Variants in LRRFIP1 observed in about 807,000 individuals in gnomAD.
LRRFIP1 encodes LRR binding FLII interacting protein 1.
A neutral mutation model predicts 104.4 loss-of-function variants in LRRFIP1; 62 were observed. That is an observed-to-expected ratio of 0.59 (90% CI 0.48 to 0.73). LRRFIP1 has a LOEUF of 0.73. LRRFIP1 is among the 30% of genes least tolerant of loss of function. LRRFIP1 has a pLI of 0.00. For missense variants in LRRFIP1, 796 were observed against 824.5 expected, an observed-to-expected ratio of 0.97 and a Z score of 0.42; for synonymous variants, 300 against 299.0, an observed-to-expected ratio of 1.00 and a Z score of -0.03.
chr2:237,653,241 TA>T (rs1408313576), intron 1 of LRRFIP1, among the ~76,000 whole-genome samples: 1 of 151,628 alleles, frequency 6.6e-6, no homozygotes, highest in Non-Finnish European at 1.5e-5. Context: ...AAAAGAAAAA[TA>T]AAGAAAAGAA....
At chr2:237,646,356 T>A (rs7595625) in intron 1 of LRRFIP1, among the ~76,000 whole-genome samples, 92,965 of 151,608 alleles carry the variant, frequency 0.61, 29,793 homozygotes, top group African/African-American at 0.77. Context: ...TCATCCTATC[T>A]TCCAGGTATT....
intron 1 of LRRFIP1, among the ~76,000 whole-genome samples, chr2:237,668,159 C>G (rs554167366): frequency 6.6e-6 from 1 of 152,268 alleles, no homozygotes; most frequent in Admixed American, 6.5e-5. Context: ...CCCTCCCCTC[C>G]TCGGTGAAAT....
At chr2:237,683,493 A>G (rs756064567) in intron 1 of LRRFIP1, 3 of 152,214 alleles carry the variant, frequency 2.0e-5, no homozygotes, top group Non-Finnish European at 2.9e-5. Context: ...TCATTCTTCA[A>G]AGGTGAGGCT....
At chr2:237,715,402 C>T (rs564382240) in intron 3 of LRRFIP1, among the ~76,000 whole-genome samples, 106 of 152,316 alleles carry the variant, frequency 7.0e-4, no homozygotes, top group South Asian at 3.1e-3. Context: ...CAGCAGGACG[C>T]TCTCATCCAA....
chr2:237,705,049 G>A (rs2093735917), intron 1 of LRRFIP1, among the ~76,000 whole-genome samples: 1 of 152,284 alleles, frequency 6.6e-6, no homozygotes, highest in East Asian at 1.9e-4. Context: ...GTCTGACAGG[G>A]CATTGTTTTG....
At chr2:237,658,532 G>A (rs528330522) in intron 1 of LRRFIP1, among the ~76,000 whole-genome samples, 1 of 152,282 alleles carries the variant, frequency 6.6e-6, no homozygotes, top group African/African-American at 2.4e-5. Flanking sequence ...TCATACTACT[G>A]TAAAGAACTG....
intron 1 of LRRFIP1, among the ~76,000 whole-genome samples, chr2:237,672,916 C>T (rs1174372639): frequency 1.3e-5 from 2 of 152,168 alleles, no homozygotes; most frequent in Non-Finnish European, 2.9e-5. Context: ...TGAATTTTGG[C>T]GTCTTATATA....
At chr2:237,769,361 A>G (rs75319932) in intron 19 of LRRFIP1, 43,570 of 152,252 alleles carry the variant, frequency 0.29, 6,504 homozygotes, top group East Asian at 0.45. Context: ...TATCGGGTCC[A>G]GGAGGAATTA....
rs554350823 is a variant in LRRFIP1 at position 237,758,532 on chromosome 2, A to C, written c.1225-197A>C. On this transcript the variant is annotated intron_variant, in intron 17 of 23. Coordinates refer to ENST00000308482, the MANE Select transcript of LRRFIP1 (RefSeq NM_001137550.2). ...ATGTCTTTCATGGAGTATGAACAGT[A>C]ACATTTCTTGGATTATATATACTAA... Among the ~76,000 whole-genome samples, 129 of 152,334 alleles carry C rather than the reference A, an allele frequency of 8.5e-4. 1 individual carries two copies. Among genetic ancestry groups the C allele is most frequent in the Non-Finnish European group, 1.6e-3 (106 of 68,030 alleles).
intron 1 of LRRFIP1, among the ~76,000 whole-genome samples, chr2:237,668,989 G>A (rs992772400): frequency 5.9e-5 from 9 of 151,844 alleles, no homozygotes; most frequent in South Asian, 2.1e-4. Flanking sequence ...TCTAAATAGC[G>A]CATTTTTAAA....
At chr2:237,746,248 A>G (rs2057837702) in intron 11 of LRRFIP1, among the ~76,000 whole-genome samples, 3 of 152,034 alleles carry the variant, frequency 2.0e-5, no homozygotes, top group African/African-American at 7.2e-5. Context: ...TAATAGAGAC[A>G]GGGTTTCGCC....
chr2:237,729,930 T>C (rs2094927014), intron 8 of LRRFIP1: 1 of 616,512 alleles, frequency 1.6e-6, no homozygotes, highest in Non-Finnish European at 2.0e-6. Context: ...TCAGCTCTAC[T>C]TTTCTCTTTC....
At chr2:237,764,511 A>G (rs1163861108) in intron 19 of LRRFIP1, 8 of 1,097,804 alleles carry the variant, frequency 7.3e-6, no homozygotes, top group Non-Finnish European at 7.8e-6. Flanking sequence ...AATTGAAATG[A>G]CCAAATAGCA....
At chr2:237,765,292 C>T (rs1348442471) in intron 19 of LRRFIP1, 1 of 172,076 alleles carries the variant, frequency 5.8e-6, no homozygotes, top group Non-Finnish European at 1.1e-5. Context: ...CACACACACA[C>T]AACACAATGT....
Position 237,737,735 on chromosome 2 carries a change from G to A in LRRFIP1, c.556-1497G>A, listed in dbSNP as rs191689916. Among the ~76,000 whole-genome samples, 76 of 152,276 alleles carry A rather than the reference G, an allele frequency of 5.0e-4. 1 individual carries two copies. The highest frequency in any genetic ancestry group is 1.2e-3 in the Admixed American group (18 of 15,292). ...TGTTTTCCTTATTTTCAACAAGAAT[G>A]CCAAAAAGTGAGGCTAGTAATACTG... On this transcript the variant is annotated intron_variant, in intron 10 of 23. Coordinates refer to ENST00000308482, the MANE Select transcript of LRRFIP1 (RefSeq NM_001137550.2).
intron 11 of LRRFIP1, among the ~76,000 whole-genome samples, chr2:237,744,990 C>T (rs186982821): frequency 2.0e-5 from 3 of 152,340 alleles, no homozygotes; most frequent in East Asian, 1.9e-4. Context: ...ATGCAGTGGC[C>T]GTGACAGTGT....
intron 7 of LRRFIP1, among the ~76,000 whole-genome samples, chr2:237,727,593 C>T (rs573441769): frequency 6.6e-6 from 1 of 152,296 alleles, no homozygotes; most frequent in East Asian, 1.9e-4. Flanking sequence ...AATGTTCCAC[C>T]CCGTGGAGGG....
intron 19 of LRRFIP1, chr2:237,765,606 T>A: frequency 1.0e-6 from 1 of 974,898 alleles, no homozygotes; most frequent in Non-Finnish European, 1.2e-6. Flanking sequence ...TATTTTGGTA[T>A]AAATATTTTC....
intron 3 of LRRFIP1, among the ~76,000 whole-genome samples, chr2:237,716,544 C>G (rs776033688): frequency 1.3e-5 from 2 of 152,058 alleles, no homozygotes; most frequent in Non-Finnish European, 2.9e-5. Context: ...TAAATCTGGC[C>G]GCCCTTCGAA....
Sources: gnomAD v4.1 joint callset for allele counts (sites outside exome capture counted in the v4.1 genomes callset) on GRCh38, gnomAD v4.1.1 for gene constraint, MANE v1.5 for transcripts, NCBI Gene and HGNC (gene_info 2026-07-23, HGNC 2026-07-21) for gene names.